Variants in SPMIP2 observed in about 807,000 individuals in gnomAD.
The protein encoded by SPMIP2 is sperm microtubule inner protein 2.
At chr4:159,040,782 G>A in the SPMIP2 span, among the ~76,000 whole-genome samples, 1 of 152,124 alleles carries the variant, frequency 6.6e-6, no homozygotes, top group Non-Finnish European at 1.5e-5. Flanking sequence ...TCTTTTCCAT[G>A]TATTCTATAT....
At chr4:159,067,963 A>G in the SPMIP2 span, among the ~76,000 whole-genome samples, 1 of 152,228 alleles carries the variant, frequency 6.6e-6, no homozygotes, top group African/African-American at 2.4e-5. Context: ...ACAATGAGAT[A>G]TCATCTCACA....
At chr4:159,028,520 G>A in the SPMIP2 span, among the ~76,000 whole-genome samples, 1 of 151,996 alleles carries the variant, frequency 6.6e-6, no homozygotes, top group Non-Finnish European at 1.5e-5. Context: ...TTGTAGAGAT[G>A]AACTCTCTCT....
the SPMIP2 span, among the ~76,000 whole-genome samples, chr4:158,901,251 G>C: frequency 6.7e-6 from 1 of 150,354 alleles, no homozygotes; most frequent in Non-Finnish European, 1.5e-5. Flanking sequence ...CTCTGCCTCA[G>C]CGTCCAGAGT....
At chr4:159,035,133 T>C in the SPMIP2 span, 1 of 1,557,942 alleles carries the variant, frequency 6.4e-7, no homozygotes, top group Non-Finnish European at 8.8e-7. Flanking sequence ...ATTTTCTTCT[T>C]CGGCTTCTTC....
the SPMIP2 span, among the ~76,000 whole-genome samples, chr4:159,074,646 G>A: frequency 5.1e-4 from 78 of 152,252 alleles, 1 homozygote; most frequent in African/African-American, 1.8e-3. Flanking sequence ...TCCTGGGGTG[G>A]TTTTTGCAGT....
the SPMIP2 span, chr4:158,895,857 C>T: frequency 8.1e-6 from 13 of 1,610,346 alleles, no homozygotes; most frequent in Non-Finnish European, 9.3e-6. Flanking sequence ...AATTAGGTGT[C>T]GTACTGGGGT....
the SPMIP2 span, among the ~76,000 whole-genome samples, chr4:158,997,244 T>TG: frequency 1.3e-5 from 2 of 151,842 alleles, no homozygotes; most frequent in Non-Finnish European, 2.9e-5. Context: ...TTTTTTTTTT[T>TG]TTTGAGATGA....
At chr4:158,958,786 A>AG in the SPMIP2 span, among the ~76,000 whole-genome samples, 1 of 152,178 alleles carries the variant, frequency 6.6e-6, no homozygotes, top group Non-Finnish European at 1.5e-5. Context: ...AGGTGCTTAT[A>AG]GTCTCACAAA....
At chr4:158,943,844 A>C in the SPMIP2 span, among the ~76,000 whole-genome samples, 5 of 141,290 alleles carry the variant, frequency 3.5e-5, no homozygotes, top group Admixed American at 7.4e-5. Context: ...GCCTCTAGTT[A>C]CTATTGACAT....
chr4:159,004,250 T>G, the SPMIP2 span, among the ~76,000 whole-genome samples: 3 of 148,750 alleles, frequency 2.0e-5, no homozygotes, highest in Non-Finnish European at 3.0e-5. Flanking sequence ...GAGTCCATTT[T>G]GAAGAGGAAT....
the SPMIP2 span, among the ~76,000 whole-genome samples, chr4:158,950,098 A>G: frequency 6.6e-6 from 1 of 152,190 alleles, no homozygotes; most frequent in Non-Finnish European, 1.5e-5. Flanking sequence ...GTGTTCCGTA[A>G]GTGTTCCTTA....
the SPMIP2 span, among the ~76,000 whole-genome samples, chr4:159,054,106 T>C: frequency 6.6e-6 from 1 of 152,142 alleles, no homozygotes; most frequent in East Asian, 1.9e-4. Flanking sequence ...CCTCAGCCTC[T>C]GAATAGCTGG....
the SPMIP2 span, chr4:158,906,749 A>C: frequency 3.9e-5 from 6 of 152,250 alleles, no homozygotes; most frequent in Middle Eastern, 3.4e-3. Context: ...AATCCTTTAA[A>C]TATTTAACAT....
chr4:158,990,172 A>G, the SPMIP2 span, among the ~76,000 whole-genome samples: 2 of 152,230 alleles, frequency 1.3e-5, no homozygotes, highest in African/African-American at 4.8e-5. Context: ...CAAAACCTCA[A>G]TTAGATTCCA....
chr4:158,935,801 A>G, the SPMIP2 span, among the ~76,000 whole-genome samples: 1 of 152,226 alleles, frequency 6.6e-6, no homozygotes, highest in African/African-American at 2.4e-5. Context: ...CCTTACTTAT[A>G]TAATGTCTAA....
the SPMIP2 span, among the ~76,000 whole-genome samples, chr4:159,014,099 G>A: frequency 2.6e-5 from 4 of 152,138 alleles, no homozygotes; most frequent in African/African-American, 9.7e-5. Flanking sequence ...GGTAAATTCT[G>A]TTATGTTTAT....
chr4:159,002,694 G>A, the SPMIP2 span, among the ~76,000 whole-genome samples: 1 of 151,722 alleles, frequency 6.6e-6, no homozygotes, highest in African/African-American at 2.4e-5. Context: ...AGTTATTTTG[G>A]CACCATTTGT....
the SPMIP2 span, among the ~76,000 whole-genome samples, chr4:158,918,565 T>G: frequency 1.3e-5 from 2 of 152,230 alleles, no homozygotes; most frequent in Non-Finnish European, 2.9e-5. Flanking sequence ...AGAAAAATCC[T>G]TGGCCGTCTT....
chr4:158,913,627 C>A, the SPMIP2 span, among the ~76,000 whole-genome samples: 6 of 152,092 alleles, frequency 3.9e-5, no homozygotes, highest in Non-Finnish European at 5.9e-5. Flanking sequence ...AGACAGCATC[C>A]TTGTTCTTAG....
Sources: gnomAD v4.1 joint callset for allele counts (sites outside exome capture counted in the v4.1 genomes callset) on GRCh38, gnomAD v4.1.1 for gene constraint, MANE v1.5 for transcripts, NCBI Gene and HGNC (gene_info 2026-07-23, HGNC 2026-07-21) for gene names.